ZFP64: variants seen among roughly 807,000 people sequenced by gnomAD.
ZFP64 encodes zinc finger protein 64.
ZFP64 carries 14 observed loss-of-function variants against 51.6 expected under a neutral mutation model. The ratio of observed to expected loss-of-function variants is 0.27; its 90% CI spans 0.18 to 0.42. The LOEUF (loss-of-function observed/expected upper bound fraction) is 0.42. ZFP64 is among the 10% of genes least tolerant of loss of function. ZFP64 has a pLI of 1.00. For missense variants in ZFP64, 754 were observed against 906.8 expected (o/e 0.83, Z 2.16); for synonymous variants, 375 against 361.4 (o/e 1.04, Z -0.43).
chr20:52,110,436 T>C (rs1018784121), intron 5 of ZFP64: 1 of 610,654 alleles, frequency 1.6e-6, no homozygotes. Context: ...TCACTCAACT[T>C]GTTCTCAATC....
In ZFP64 at chr20:52,160,215, A is replaced by G; in HGVS notation, c.671T>C (p.Ile224Thr). ...TTTGAAGGGCCGCTCGTCCGAGTGG[A>G]TCCTCAGGTGCTTGTTGAGGCTGCT... Reference protein sequence around the residue: ...DSSSLNKHLRIHSDERPFKCQ... With the variant: ...DSSSLNKHLRTHSDERPFKCQ... Residue 224 changes from isoleucine to threonine, a missense_variant, in exon 5 of 6, where the codon ATC becomes ACC. By Grantham distance (89) the Ile-to-Thr change is moderately conservative. Coordinates refer to ENST00000216923, the MANE Select transcript of ZFP64 (RefSeq NM_018197.3). This position sits in a 1 kb window ranked among gnomAD's most constrained non-coding sequence, Gnocchi z 4.2. 6.2e-7 allele frequency: 1 copy of G among 1,614,124 alleles called. No homozygotes were observed.
chr20:52,182,348 A>G (rs1486260536), intron 2 of ZFP64, among the ~76,000 whole-genome samples: 2 of 152,196 alleles, frequency 1.3e-5, no homozygotes, highest in African/African-American at 4.8e-5. Flanking sequence ...AGGACAGTCA[A>G]CAAAACTCCG....
At chr20:52,169,628 C>T (rs1164835258) in intron 2 of ZFP64, among the ~76,000 whole-genome samples, 1 of 152,200 alleles carries the variant, frequency 6.6e-6, no homozygotes, top group Non-Finnish European at 1.5e-5. Context: ...GGGCAAGTCA[C>T]AGCAGAGGGA....
At position 52,152,205 on chromosome 20, in the gene ZFP64, T is replaced by C; in HGVS notation, c.1987A>G (p.Ile663Val). Residue 663 changes from isoleucine to valine, a missense_variant, in exon 6 of 6, where the codon ATC becomes GTC. By Grantham distance (29) the Ile-to-Val change is conservative. Coordinates refer to ENST00000216923, the MANE Select transcript of ZFP64 (RefSeq NM_018197.3). ...QQELPKQTYS[I>V]IQGAAHPALL... is the part of the protein sequence containing the mutation. ...GCTGGATGGGCTGCCCCTTGAATGATGGAGTAGGTCTGCTTGGGTAGTTCT... is the reference window on the plus strand; with the variant it reads ...GCTGGATGGGCTGCCCCTTGAATGACGGAGTAGGTCTGCTTGGGTAGTTCT... The C allele has an allele frequency of 1.2e-6, 2 of 1,614,132 alleles. No individual in the cohort carries two copies. The highest frequency in any genetic ancestry group is 1.7e-6 in the Non-Finnish European group (2 of 1,180,014).
chr20:52,116,523 A>G (rs567820085), intron 5 of ZFP64, among the ~76,000 whole-genome samples: 14 of 152,020 alleles, frequency 9.2e-5, no homozygotes, highest in African/African-American at 3.1e-4. Flanking sequence ...AAAATAAATA[A>G]TGATATACTT....
chr20:52,087,764 G>C (rs370248407), intron 8 of ZFP64, among the ~76,000 whole-genome samples: 1 of 152,214 alleles, frequency 6.6e-6, no homozygotes, highest in South Asian at 2.1e-4. Flanking sequence ...AGGGCCCTTG[G>C]ATATTGGCTG....
rs142317072 is a variant in ZFP64, at chr20:52,142,377, G to GACACACACACACACAC, written c.763+17730_763+17745dup. Reference sequence around the variant, plus strand: ...AGTGAGACTTCATCACACACACACAGACACACACACACACACACACACACA... The same window carrying GACACACACACACACAC: ...AGTGAGACTTCATCACACACACACAGACACACACACACACACACACACACACACACACACACACACA... On this transcript the variant is annotated intron_variant, in intron 5 of 8. Coordinates refer to the ZFP64 transcript ENST00000361387. Among the ~76,000 whole-genome samples the GACACACACACACACAC allele has an allele frequency of 7.9e-3, 932 of 118,422 alleles. 26 individuals are homozygous for GACACACACACACACAC. The highest frequency in any genetic ancestry group is 0.028 in the African/African-American group (840 of 30,502). The allele number at this position is 118,422 out of a possible 152,430, so 77.7% of individuals were successfully genotyped here.
chr20:52,185,579 CT>C (rs11472663), intron 2 of ZFP64, among the ~76,000 whole-genome samples: 58 of 127,830 alleles, frequency 4.5e-4, no homozygotes, highest in Admixed American at 9.2e-4. Flanking sequence ...CCACTTTGCA[CT>C]TTTTTTTTTT....
chr20:52,088,159 TC>T (rs1164121738), intron 8 of ZFP64: 1 of 614,988 alleles, frequency 1.6e-6, no homozygotes, highest in East Asian at 3.0e-5. Flanking sequence ...GGGTATCTAC[TC>T]CCAGCTGGAT....
downstream of ZFP64, among the ~76,000 whole-genome samples, chr20:52,148,814 T>C (rs1322386349): frequency 1.3e-5 from 2 of 152,004 alleles, no homozygotes; most frequent in African/African-American, 2.4e-5. Context: ...AGGGGAAGGA[T>C]GGACGTTCTT....
chr20:52,104,368 C>T (rs1266458551), intron 5 of ZFP64, among the ~76,000 whole-genome samples: 1 of 152,166 alleles, frequency 6.6e-6, no homozygotes, highest in African/African-American at 2.4e-5. Context: ...CTTAAGGTAG[C>T]CGACGATCTC....
intron 2 of ZFP64, among the ~76,000 whole-genome samples, chr20:52,180,445 A>C (rs1360950773): frequency 1.3e-5 from 2 of 151,756 alleles, no homozygotes; most frequent in African/African-American, 4.8e-5. Context: ...AGAAAACAGA[A>C]ACCTAATTGT....
intron 2 of ZFP64, among the ~76,000 whole-genome samples, chr20:52,172,700 T>C (rs1041710929): frequency 1.3e-4 from 19 of 151,818 alleles, no homozygotes; most frequent in Non-Finnish European, 2.4e-4. Flanking sequence ...CACCTCTTTA[T>C]GTGGGGGTCT....
At position 52,106,956 on chromosome 20, in the gene ZFP64, G is replaced by C. The variant is rs554008904; in HGVS notation, c.764-8369C>G. On this transcript the variant is annotated intron_variant, in intron 5 of 8. Coordinates refer to the ZFP64 transcript ENST00000361387. ...TACTAAAAATACAAAAAATTAGCCG[G>C]GCATGGTGGCGGACGCCTGTAATCC... 1.3e-3 allele frequency among the ~76,000 whole-genome samples: 199 copies of C among 152,254 alleles called. 1 individual carries two copies. Among genetic ancestry groups the C allele is most frequent in the African/African-American group, 4.6e-3 (190 of 41,532 alleles).
intron 2 of ZFP64, among the ~76,000 whole-genome samples, chr20:52,172,385 A>T (rs1195263864): frequency 6.6e-6 from 1 of 152,146 alleles, no homozygotes; most frequent in Non-Finnish European, 1.5e-5. Flanking sequence ...TGTTCTAGTA[A>T]AGATTCAAGG....
At chr20:52,176,028 C>T (rs1376896571) in intron 2 of ZFP64, 2 of 941,070 alleles carry the variant, frequency 2.1e-6, no homozygotes, top group Non-Finnish European at 2.5e-6. Context: ...GCCCTGACCA[C>T]GCCCCAGCTC....
chr20:52,117,266 G>A (rs1168625332), intron 5 of ZFP64, among the ~76,000 whole-genome samples: 1 of 151,762 alleles, frequency 6.6e-6, no homozygotes, highest in East Asian at 1.9e-4. Flanking sequence ...AGGTCCCCAG[G>A]TGATCCATAT....
chr20:52,113,809 A>G (rs1194357258), intron 5 of ZFP64, among the ~76,000 whole-genome samples: 1 of 152,136 alleles, frequency 6.6e-6, no homozygotes, highest in African/African-American at 2.4e-5. Context: ...TGATAAAGAC[A>G]GGCAAGATCC....
chr20:52,090,141 G>A (rs541160432), intron 7 of ZFP64, among the ~76,000 whole-genome samples: 36 of 152,176 alleles, frequency 2.4e-4, no homozygotes, highest in Non-Finnish European at 4.7e-4. Flanking sequence ...AGACAGCCAT[G>A]CATCTTATTT....
Sources: gnomAD v4.1 joint callset for allele counts (sites outside exome capture counted in the v4.1 genomes callset) on GRCh38, gnomAD v4.1.1 for gene constraint, Gnocchi (gnomAD v3.1) non-coding constraint, MANE v1.5 for transcripts, NCBI Gene and HGNC (gene_info 2026-07-23, HGNC 2026-07-21) for gene names.